BCAR3: variants seen among roughly 807,000 people sequenced by gnomAD.
BCAR3 encodes BCAR3 adaptor protein, NSP family member.
BCAR3 carries 37 observed loss-of-function variants against 80.1 expected under a neutral mutation model. That is an observed-to-expected ratio of 0.46 (90% CI 0.36 to 0.61). BCAR3 has a LOEUF of 0.61. Among genes scored for constraint, BCAR3 ranks in the 20% least tolerant of loss-of-function variants. The pLI is 0.00. For synonymous variants in BCAR3, 389 were observed against 418.9 expected, an observed-to-expected ratio of 0.93 and a Z score of 0.87; for missense variants, 978 against 1,068.2, an observed-to-expected ratio of 0.92 and a Z score of 1.18.
intron 3 of BCAR3, among the ~76,000 whole-genome samples, chr1:93,634,647 A>G (rs1388504122): frequency 6.6e-6 from 1 of 151,924 alleles, no homozygotes; most frequent in Non-Finnish European, 1.5e-5. Context: ...ATGAGTCAAG[A>G]TCATGCCACT....
intron 2 of BCAR3, among the ~76,000 whole-genome samples, chr1:93,669,584 G>A (rs967481439): frequency 1.3e-5 from 2 of 152,212 alleles, no homozygotes; most frequent in African/African-American, 4.8e-5. Context: ...GAAGGAATTA[G>A]GCACTCACAG....
At chr1:93,669,187 G>A (rs1648085328) in intron 2 of BCAR3, among the ~76,000 whole-genome samples, 1 of 152,198 alleles carries the variant, frequency 6.6e-6, no homozygotes, top group Admixed American at 6.5e-5. Context: ...TGGTGTATTT[G>A]CGTGTCTGAG....
chr1:93,714,141 C>T (rs377750469), intron 2 of BCAR3, among the ~76,000 whole-genome samples: 1 of 152,108 alleles, frequency 6.6e-6, no homozygotes, highest in African/African-American at 2.4e-5. Flanking sequence ...CACAACCACA[C>T]CCAGCTAATT....
chr1:93,678,676 G>A (rs1364647446), intron 1 of BCAR3, among the ~76,000 whole-genome samples: 1 of 152,208 alleles, frequency 6.6e-6, no homozygotes, highest in Non-Finnish European at 1.5e-5. Flanking sequence ...AATATAAACA[G>A]GATGAACTGA....
intron 2 of BCAR3, among the ~76,000 whole-genome samples, chr1:93,715,544 C>A (rs1650165039): frequency 6.6e-6 from 1 of 152,158 alleles, no homozygotes; most frequent in South Asian, 2.1e-4. Flanking sequence ...ACCAGAACTG[C>A]CAAATCACCA....
At chr1:93,673,099 T>C (rs1648295024) in intron 2 of BCAR3, among the ~76,000 whole-genome samples, 1 of 152,214 alleles carries the variant, frequency 6.6e-6, no homozygotes, top group South Asian at 2.1e-4. Context: ...TTAAATATCA[T>C]CTCAGAAACC....
intron 2 of BCAR3, among the ~76,000 whole-genome samples, chr1:93,719,852 A>G (rs1650332388): frequency 6.6e-6 from 1 of 152,190 alleles, no homozygotes; most frequent in African/African-American, 2.4e-5. Context: ...CCCTTGATGC[A>G]TGAAGATTTG....
chr1:93,633,625 G>A (rs1476884924), intron 3 of BCAR3, among the ~76,000 whole-genome samples: 1 of 152,046 alleles, frequency 6.6e-6, no homozygotes, highest in Non-Finnish European at 1.5e-5. Context: ...TGAAATACAA[G>A]GCTTTAACTT....
intron 2 of BCAR3, among the ~76,000 whole-genome samples, chr1:93,781,301 T>C (rs972225633): frequency 6.6e-6 from 1 of 152,182 alleles, no homozygotes; most frequent in African/African-American, 2.4e-5. Context: ...TTTACAAATG[T>C]AAAAACCACT....
At chr1:93,715,957 C>A (rs1650175677) in intron 2 of BCAR3, among the ~76,000 whole-genome samples, 1 of 152,220 alleles carries the variant, frequency 6.6e-6, no homozygotes, top group Admixed American at 6.5e-5. Flanking sequence ...GGATGGCATC[C>A]ACCAACCCTG....
intron 2 of BCAR3, among the ~76,000 whole-genome samples, chr1:93,650,543 C>G (rs150365805): frequency 6.6e-6 from 1 of 152,332 alleles, no homozygotes; most frequent in Non-Finnish European, 1.5e-5. Flanking sequence ...CACAACCTCT[C>G]TATGCCTCAG....
intron 3 of BCAR3, chr1:93,614,070 G>A: frequency 2.1e-6 from 3 of 1,434,834 alleles, no homozygotes; most frequent in South Asian, 3.1e-5. Context: ...CCGGGGGAGT[G>A]AGTCGGCTCC....
At chr1:93,696,786 A>AGGC (rs1205481521) in intron 3 of BCAR3, among the ~76,000 whole-genome samples, 1 of 152,036 alleles carries the variant, frequency 6.6e-6, no homozygotes, top group Non-Finnish European at 1.5e-5. Flanking sequence ...CTATCTAACC[A>AGGC]ACTCCCATCC....
At chr1:93,738,596 C>G (rs564823702) in intron 2 of BCAR3, among the ~76,000 whole-genome samples, 2 of 152,346 alleles carry the variant, frequency 1.3e-5, no homozygotes, top group South Asian at 4.1e-4. Context: ...TGGTGGTTAA[C>G]AGCTTGTCTG....
chr1:93,722,233 G>A (rs1013416386), intron 2 of BCAR3, among the ~76,000 whole-genome samples: 20 of 152,312 alleles, frequency 1.3e-4, no homozygotes, highest in African/African-American at 4.3e-4. Flanking sequence ...CAGAACTCCC[G>A]AGTGAGGGCC....
At chr1:93,622,400 C>T (rs1425011506) in intron 3 of BCAR3, among the ~76,000 whole-genome samples, 2 of 152,184 alleles carry the variant, frequency 1.3e-5, no homozygotes, top group Non-Finnish European at 2.9e-5. Flanking sequence ...ACCAGAAGTG[C>T]TTTATCTTAT....
chr1:93,701,288 C>T (rs1220327172), intron 3 of BCAR3, among the ~76,000 whole-genome samples: 7 of 152,282 alleles, frequency 4.6e-5, no homozygotes, highest in Middle Eastern at 6.8e-3. Context: ...TCACTGGTTC[C>T]CTTATTGAGC....
chr1:93,645,332 A>G (rs925953435), intron 2 of BCAR3, among the ~76,000 whole-genome samples: 4 of 152,176 alleles, frequency 2.6e-5, no homozygotes, highest in Non-Finnish European at 5.9e-5. Context: ...AATAAGGAGA[A>G]TGATCCCCTT....
chr1:93,697,748 G>A (rs1649469093), intron 3 of BCAR3, among the ~76,000 whole-genome samples: 2 of 152,168 alleles, frequency 1.3e-5, no homozygotes, highest in Non-Finnish European at 2.9e-5. Context: ...GGGAGGCCGA[G>A]ACGACGGATC....
Sources: gnomAD v4.1 joint callset for allele counts (sites outside exome capture counted in the v4.1 genomes callset) on GRCh38, gnomAD v4.1.1 for gene constraint, MANE v1.5 for transcripts, NCBI Gene and HGNC (gene_info 2026-07-23, HGNC 2026-07-21) for gene names.